Variants in DLGAP1 observed in about 807,000 individuals in gnomAD.
DLGAP1 encodes disks large-associated protein 1.
DLGAP1 carries 11 observed loss-of-function variants against 90.8 expected under a neutral mutation model. The ratio of observed to expected loss-of-function variants is 0.12; its 90% confidence interval spans 0.08 to 0.20. DLGAP1 has a LOEUF of 0.20. Ranked by LOEUF, DLGAP1 falls within the 10% of genes least tolerant of loss-of-function variation. The pLI is 1.00. For synonymous variants in DLGAP1, 558 were observed against 540.7 expected, an observed-to-expected ratio of 1.03 and a Z score of -0.44; for missense variants, 1,050 against 1,333.8, an observed-to-expected ratio of 0.79 and a Z score of 3.31.
chr18:3,846,043 GGTGTGTGTGTGTGTGT>G (rs35460885), intron 4 of DLGAP1, among the ~76,000 whole-genome samples: 1 of 145,020 alleles, frequency 6.9e-6, no homozygotes, highest in Non-Finnish European at 1.5e-5. Flanking sequence ...TTGAAAGTGT[GGTGTGTGTGTGTGTGT>G]GTGTGTGTGT....
chr18:3,654,824 G>C (rs1567906334), intron 7 of DLGAP1: 2 of 152,188 alleles, frequency 1.3e-5, no homozygotes, highest in African/African-American at 4.8e-5. Context: ...AGGTGAGAAG[G>C]TCTTTTTCTC....
At chr18:3,640,305 T>C (rs920315783) in intron 7 of DLGAP1, among the ~76,000 whole-genome samples, 1 of 152,174 alleles carries the variant, frequency 6.6e-6, no homozygotes, top group Non-Finnish European at 1.5e-5. Flanking sequence ...GTCCTTGATC[T>C]ATAGCCCAAG....
intron 1 of DLGAP1, among the ~76,000 whole-genome samples, chr18:4,343,653 G>T (rs1329104441): frequency 6.6e-6 from 1 of 151,878 alleles, no homozygotes; most frequent in Admixed American, 6.6e-5. Context: ...CTGTTGGGGG[G>T]TCGGGGGCTA....
chr18:3,533,526 A>G (rs1213375268), intron 10 of DLGAP1, among the ~76,000 whole-genome samples: 1 of 152,178 alleles, frequency 6.6e-6, no homozygotes, highest in Non-Finnish European at 1.5e-5. Context: ...TAAAGAATAT[A>G]AATCCCCAAT....
chr18:4,421,628 T>A (rs1266539929), intron 1 of DLGAP1, among the ~76,000 whole-genome samples: 1 of 152,166 alleles, frequency 6.6e-6, no homozygotes, highest in African/African-American at 2.4e-5. Flanking sequence ...TAAATTAGCA[T>A]GATGTCTTCA....
rs1161148271 is a variant in DLGAP1 at position 3,506,461 on chromosome 18, C to G, written c.2571+2109G>C. Among the ~76,000 whole-genome samples, 3 of 146,056 alleles carry G rather than the reference C, an allele frequency of 2.1e-5. No homozygotes were observed. In the Admixed American group the frequency reaches 2.1e-4, roughly 10 times the overall value. ...CCAGGAGGCGGAGGTTGCAGTGAGC[C>G]GAGATTGCGCCATTGCACTCCAGCC... On this transcript the variant is annotated intron_variant, in intron 11 of 12. Transcript: ENST00000315677.
At chr18:3,569,314 ACTT>A (rs766609876) in intron 8 of DLGAP1, among the ~76,000 whole-genome samples, 9 of 151,840 alleles carry the variant, frequency 5.9e-5, no homozygotes, top group Non-Finnish European at 1.3e-4. Context: ...ATATTTATTG[ACTT>A]CTTATGTTTC....
intron 9 of DLGAP1, among the ~76,000 whole-genome samples, chr18:3,536,674 T>A (rs184359577): frequency 6.6e-6 from 1 of 152,358 alleles, no homozygotes; most frequent in East Asian, 1.9e-4. Context: ...TGCCCTCTCC[T>A]GTGCCTTTAA....
chr18:3,574,182 A>G (rs969122940), intron 8 of DLGAP1, among the ~76,000 whole-genome samples: 22 of 152,270 alleles, frequency 1.4e-4, no homozygotes, highest in African/African-American at 3.4e-4. Flanking sequence ...CCCTCTCTCA[A>G]TCAGACTTGT....
chr18:3,840,053 T>C (rs2068627509), intron 4 of DLGAP1, among the ~76,000 whole-genome samples: 1 of 152,228 alleles, frequency 6.6e-6, no homozygotes, highest in Non-Finnish European at 1.5e-5. Flanking sequence ...AGCGCCAGCG[T>C]TGCAATTCCT....
At chr18:4,062,843 C>T (rs955443157) in intron 2 of DLGAP1, among the ~76,000 whole-genome samples, 2 of 151,912 alleles carry the variant, frequency 1.3e-5, no homozygotes, top group African/African-American at 4.8e-5. Flanking sequence ...GACCCTGTTT[C>T]TTACTGTGAA....
chr18:3,916,156 C>T (rs1471303242), intron 3 of DLGAP1, among the ~76,000 whole-genome samples: 2 of 152,216 alleles, frequency 1.3e-5, no homozygotes, highest in African/African-American at 4.8e-5. Context: ...TATTCAACTG[C>T]TGGAACCTTG....
chr18:4,329,005 G>GACCAAA (rs2080888371), intron 1 of DLGAP1, among the ~76,000 whole-genome samples: 2 of 151,912 alleles, frequency 1.3e-5, no homozygotes, highest in African/African-American at 4.8e-5. Context: ...AATTTTGTAA[G>GACCAAA]TAGTATATTG....
intron 7 of DLGAP1, among the ~76,000 whole-genome samples, chr18:3,628,703 C>A (rs1238532447): frequency 6.6e-6 from 1 of 152,036 alleles, no homozygotes; most frequent in East Asian, 1.9e-4. Flanking sequence ...CTTGATTATG[C>A]CTGGTTTTGA....
At chr18:4,283,525 A>T (rs1207440515) in intron 1 of DLGAP1, among the ~76,000 whole-genome samples, 4 of 152,212 alleles carry the variant, frequency 2.6e-5, no homozygotes, top group Admixed American at 2.0e-4. Context: ...AGGGATTGCC[A>T]ACTCTAGTGA....
At chr18:3,760,083 G>C (rs1395337081) in intron 5 of DLGAP1, among the ~76,000 whole-genome samples, 2 of 152,220 alleles carry the variant, frequency 1.3e-5, no homozygotes, top group East Asian at 3.8e-4. Context: ...ACCACAGCTG[G>C]CATCATGGGA....
chr18:3,564,936 C>T (rs560718144), intron 9 of DLGAP1, among the ~76,000 whole-genome samples: 4 of 152,158 alleles, frequency 2.6e-5, no homozygotes, highest in South Asian at 2.1e-4. Context: ...TGGTGACTTC[C>T]GAGTTCCTTT....
chr18:3,958,013 C>T (rs1048381358), intron 3 of DLGAP1, among the ~76,000 whole-genome samples: 8 of 151,890 alleles, frequency 5.3e-5, no homozygotes, highest in African/African-American at 1.9e-4. Context: ...CATGCCTCAG[C>T]CTCCTGAATA....
intron 3 of DLGAP1, among the ~76,000 whole-genome samples, chr18:3,918,891 A>G (rs1479590201): frequency 1.3e-5 from 2 of 152,194 alleles, no homozygotes; most frequent in South Asian, 4.1e-4. Flanking sequence ...AAGATGTTGC[A>G]AGCACTAGAG....
Sources: allele counts gnomAD v4.1 joint callset (sites outside exome capture counted in the v4.1 genomes callset), GRCh38; gene constraint gnomAD v4.1.1; transcripts MANE v1.5; gene names NCBI Gene and HGNC (gene_info 2026-07-23, HGNC 2026-07-21).